CCDC12: variants seen among roughly 807,000 people sequenced by gnomAD.
CCDC12 encodes the protein coiled-coil domain containing 12, also known as coiled-coil domain-containing protein 12.
In CCDC12, 28 loss-of-function variants were observed where a neutral mutation model predicts 25.7. The ratio of observed to expected loss-of-function variants is 1.09; its 90% CI spans 0.81 to 1.50. The LOEUF is 1.50. Ranked by LOEUF, CCDC12 falls within the 40% of genes most tolerant of loss-of-function variation. The pLI, the probability that CCDC12 is intolerant of heterozygous loss-of-function variation, is 0.00. For synonymous variants in CCDC12, 75 were observed against 87.7 expected, an observed-to-expected ratio of 0.86 and a Z score of 0.81; for missense variants, 198 against 210.0, an observed-to-expected ratio of 0.94 and a Z score of 0.35.
chr3:46,958,418 T>C (rs1002040157), intron 1 of CCDC12, among the ~76,000 whole-genome samples: 5 of 152,186 alleles, frequency 3.3e-5, no homozygotes, highest in Admixed American at 1.3e-4. Context: ...TTAGAAGATA[T>C]ACAAGCTCTG....
At chr3:46,933,252 C>G (rs1214002578) in intron 2 of CCDC12, among the ~76,000 whole-genome samples, 7 of 152,180 alleles carry the variant, frequency 4.6e-5, no homozygotes, top group Non-Finnish European at 1.0e-4. Context: ...CTTCCTCAGC[C>G]CTAAAAATTA....
At chr3:46,946,559 G>T (rs2033915427) in intron 1 of CCDC12, among the ~76,000 whole-genome samples, 1 of 152,254 alleles carries the variant, frequency 6.6e-6, no homozygotes, top group Middle Eastern at 3.2e-3. Flanking sequence ...AGCCTCACCT[G>T]ATGCTGTCAG....
At chr3:46,925,129 G>T (rs765129080) in intron 3 of CCDC12, 45 of 478,408 alleles carry the variant, frequency 9.4e-5, no homozygotes, top group Non-Finnish European at 1.5e-4. Context: ...CTGCCCAAGG[G>T]CCCCATGACC....
chr3:46,956,354 A>G (rs1358990376), intron 1 of CCDC12, among the ~76,000 whole-genome samples: 1 of 152,186 alleles, frequency 6.6e-6, no homozygotes, highest in Non-Finnish European at 1.5e-5. Context: ...TCTCTAATAC[A>G]TGGCCCAGTT....
intron 2 of CCDC12, 123 bp downstream of exon 2, chr3:46,940,875 T>C (rs6804732): frequency 0.99 from 916,272 of 929,386 alleles, 452,709 homozygotes; most frequent in South Asian, 1. Flanking sequence ...AGGACAGCCA[T>C]GGGCAGAAAG....
At chr3:46,976,532 C>G in intron 1 of CCDC12, 105 bp downstream of exon 1, 1 of 1,462,158 alleles carries the variant, frequency 6.8e-7, no homozygotes, top group Non-Finnish European at 9.0e-7. Context: ...CGCATGCGCG[C>G]CCTCGGCAGC....
At chr3:46,939,257 A>G (rs1394513528) in intron 2 of CCDC12, among the ~76,000 whole-genome samples, 4 of 152,142 alleles carry the variant, frequency 2.6e-5, no homozygotes, top group African/African-American at 9.6e-5. Flanking sequence ...ACTCAACACC[A>G]TGTTTGAGAT....
chr3:46,941,020 C>T lies in CCDC12; in HGVS notation c.142G>A (p.Glu48Lys), dbSNP rs140182352. ...EPKTKHLREE[E>K]EEGEKHRELR... Reference sequence around the variant, plus strand: ...TACCTGTGCTTCTCGCCTTCTTCCTCCTCTTCTCTGAGATGCTTGGTCTTT... The same window carrying T: ...TACCTGTGCTTCTCGCCTTCTTCCTTCTCTTCTCTGAGATGCTTGGTCTTT... The change falls in exon 2 of 7, where the codon GAG becomes AAG. Residue 48 changes from glutamate to lysine, a missense_variant. Physicochemically the swap from Glu to Lys is moderately conservative, Grantham distance 56. Coordinates refer to ENST00000683445, the MANE Select transcript of CCDC12 (RefSeq NM_001277074.2). 2.1e-4 allele frequency: 332 copies of T among 1,614,220 alleles called. 2 individuals are homozygous for T. In the African/African-American group the frequency reaches 3.8e-3, roughly 19 times the overall value.
upstream of CCDC12, chr3:46,979,506 C>T (rs1238834998): frequency 4.5e-5 from 8 of 177,412 alleles, no homozygotes; most frequent in South Asian, 7.8e-4. Flanking sequence ...CAGGCTGGCC[C>T]TTCCAATGGC....
chr3:46,981,128 C>T (rs2035301163), upstream of CCDC12, among the ~76,000 whole-genome samples: 1 of 152,216 alleles, frequency 6.6e-6, no homozygotes, highest in African/African-American at 2.4e-5. Flanking sequence ...GACTTCTGAG[C>T]CTCTGCTTCC....
chr3:46,924,899 G>A (rs1035389306), intron 3 of CCDC12: 2 of 192,432 alleles, frequency 1.0e-5, no homozygotes, highest in Non-Finnish European at 2.2e-5. Flanking sequence ...CCAGGGATCC[G>A]CAGGACTAAG....
At chr3:46,979,733 C>T, upstream of CCDC12, 1 of 316,596 alleles carries the variant, frequency 3.2e-6, no homozygotes. Flanking sequence ...CAGACTTCCC[C>T]AGTAGTACCG....
chr3:46,940,340 C>T (rs1480768087), intron 2 of CCDC12, among the ~76,000 whole-genome samples: 1 of 152,168 alleles, frequency 6.6e-6, no homozygotes, highest in African/African-American at 2.4e-5. Context: ...AAGACCCTCA[C>T]GTGTGCTGTG....
intron 3 of CCDC12, chr3:46,925,249 C>A: frequency 1.4e-6 from 1 of 699,846 alleles, no homozygotes; most frequent in Non-Finnish European, 2.6e-6. Flanking sequence ...TGAGAAGGCA[C>A]AAGAGGACTC....
At chr3:46,949,224 G>T (rs1273745714) in intron 1 of CCDC12, among the ~76,000 whole-genome samples, 1 of 152,186 alleles carries the variant, frequency 6.6e-6, no homozygotes, top group Non-Finnish European at 1.5e-5. Flanking sequence ...GTCTACAGAG[G>T]CTTTCCAAAG....
chr3:46,978,525 C>G (rs1222936936), upstream of CCDC12, among the ~76,000 whole-genome samples: 2 of 150,008 alleles, frequency 1.3e-5, no homozygotes, highest in Non-Finnish European at 3.0e-5. Flanking sequence ...CACCATCACC[C>G]CGTGCCCCTT....
chr3:46,921,954 C>T lies in CCDC12; in HGVS notation c.*103G>A, dbSNP rs552170800. 4 of 1,284,018 alleles carry T rather than the reference C, an allele frequency of 3.1e-6. No homozygotes were observed. Among genetic ancestry groups the T allele is most frequent in the Non-Finnish European group, 4.4e-6 (4 of 904,176 alleles). The allele number at this position is 1,284,018 out of a possible 1,614,324, so 79.5% of individuals were successfully genotyped here. On this transcript the variant is annotated 3_prime_UTR_variant, in exon 7 of 7. Transcript: ENST00000683445. ...ACTTGATGGGCAGGGAGTCTCTGCT[C>T]AGAAGCCAAACTGGAGGTGATGGCA...
At position 46,941,018 on chromosome 3, in the gene CCDC12, C is replaced by T. The variant is rs1447464601; in HGVS notation, c.144G>A (p.Glu48=). ...ATTACCTGTGCTTCTCGCCTTCTTC[C>T]TCCTCTTCTCTGAGATGCTTGGTCT... The part of the protein sequence containing the change: ...EPKTKHLREE[E]EEGEKHRELR... The change falls in exon 2 of 7, where the codon GAG becomes GAA. Residue 48 remains glutamate (E), a synonymous_variant. Transcript: ENST00000683445. 1.2e-6 allele frequency: 2 copies of T among 1,614,206 alleles called. No homozygotes were observed. Among genetic ancestry groups the T allele is most frequent in the African/African-American group, 1.3e-5 (1 of 75,050 alleles).
chr3:46,963,415 ACGGTCTCCCTCTCC>A (rs1263787588), intron 1 of CCDC12, among the ~76,000 whole-genome samples: 3 of 2,358 alleles, frequency 1.3e-3, no homozygotes, highest in Non-Finnish European at 5.3e-3. Context: ...CCCTCTCCTC[ACGGTCTCCCTCTCC>A]CTCTCCTCAC....
Sources: allele counts gnomAD v4.1 joint callset (sites outside exome capture counted in the v4.1 genomes callset), GRCh38; gene constraint gnomAD v4.1.1; transcripts MANE v1.5; gene names NCBI Gene and HGNC (gene_info 2026-07-23, HGNC 2026-07-21).